The following TSPAN5 variants were observed in gnomAD, a reference collection of about 807,000 sequenced individuals.
TSPAN5 encodes the protein tetraspanin 5.
A neutral mutation model predicts 37.1 loss-of-function variants in TSPAN5; 10 were observed. That is an observed-to-expected ratio of 0.27 (90% CI 0.17 to 0.46). The LOEUF (loss-of-function observed/expected upper bound fraction) is 0.46, where lower values mean the gene tolerates loss of function less well. Ranked by LOEUF, TSPAN5 falls within the 20% of genes least tolerant of loss-of-function variation. The probability of loss-of-function intolerance (pLI) is 1.00; values close to 1 mark genes in which losing one functional copy is unlikely to be tolerated. For missense variants in TSPAN5, 195 were observed against 326.6 expected, an observed-to-expected ratio of 0.60 and a Z score of 3.11; for synonymous variants, 110 against 118.9, an observed-to-expected ratio of 0.93 and a Z score of 0.48.
At chr4:98,580,114 T>C (rs949891434) in intron 1 of TSPAN5, among the ~76,000 whole-genome samples, 2 of 152,216 alleles carry the variant, frequency 1.3e-5, no homozygotes, top group African/African-American at 4.8e-5. Flanking sequence ...ATAGATATGT[T>C]AGTTGAAACC....
intron 1 of TSPAN5, among the ~76,000 whole-genome samples, chr4:98,572,501 G>A (rs972686690): frequency 2.0e-5 from 3 of 152,216 alleles, no homozygotes; most frequent in Non-Finnish European, 4.4e-5. Flanking sequence ...TGAAGCTTAC[G>A]TTTGGGAAAG....
intron 2 of TSPAN5, among the ~76,000 whole-genome samples, chr4:98,496,194 C>T (rs1006036107): frequency 6.6e-6 from 1 of 152,180 alleles, no homozygotes; most frequent in African/African-American, 2.4e-5. Context: ...ACAGTATGCA[C>T]AGTAAGAACA....
chr4:98,492,818 T>C (rs902513595), intron 2 of TSPAN5, among the ~76,000 whole-genome samples: 8 of 152,336 alleles, frequency 5.3e-5, no homozygotes, highest in African/African-American at 1.4e-4. Context: ...TCTATGTTAC[T>C]GACAAATAAT....
intron 1 of TSPAN5, among the ~76,000 whole-genome samples, chr4:98,519,189 G>A (rs1753801526): frequency 6.6e-6 from 1 of 152,108 alleles, no homozygotes; most frequent in African/African-American, 2.4e-5. Context: ...AGGGTACAAG[G>A]TTAAAATTAT....
chr4:98,647,922 C>T (rs1020320417), intron 1 of TSPAN5, among the ~76,000 whole-genome samples: 1 of 150,094 alleles, frequency 6.7e-6, no homozygotes, highest in African/African-American at 2.5e-5. Flanking sequence ...AGAAATAATA[C>T]AGAGTTTTAT....
At chr4:98,496,006 G>C (rs1405097539) in intron 2 of TSPAN5, among the ~76,000 whole-genome samples, 1 of 152,160 alleles carries the variant, frequency 6.6e-6, no homozygotes, top group African/African-American at 2.4e-5. Flanking sequence ...AGATTTATGA[G>C]ACTAGCTCTT....
chr4:98,551,137 CAT>C (rs765505914), intron 1 of TSPAN5, among the ~76,000 whole-genome samples: 2 of 148,774 alleles, frequency 1.3e-5, no homozygotes, highest in South Asian at 2.1e-4. Flanking sequence ...TTGAGACGAT[CAT>C]ATGTTTTTGT....
intron 2 of TSPAN5, among the ~76,000 whole-genome samples, chr4:98,503,574 T>C (rs1357347763): frequency 1.3e-5 from 2 of 152,204 alleles, no homozygotes; most frequent in Non-Finnish European, 1.5e-5. Context: ...TTCGGTGGAA[T>C]GAAGGTCTTT....
intron 1 of TSPAN5, among the ~76,000 whole-genome samples, chr4:98,639,717 C>T (rs1560570524): frequency 6.6e-6 from 1 of 152,192 alleles, no homozygotes; most frequent in Non-Finnish European, 1.5e-5. Context: ...CCAGCTTTTG[C>T]TTCTTTCCTT....
chr4:98,555,037 T>G (rs1189981382), intron 1 of TSPAN5, among the ~76,000 whole-genome samples: 1 of 152,120 alleles, frequency 6.6e-6, no homozygotes, highest in Non-Finnish European at 1.5e-5. Flanking sequence ...CACCAGAAGT[T>G]TTCCTAAAGC....
intron 1 of TSPAN5, among the ~76,000 whole-genome samples, chr4:98,518,560 G>A (rs1412239824): frequency 2.0e-5 from 3 of 152,204 alleles, no homozygotes; most frequent in Non-Finnish European, 2.9e-5. Context: ...GTATTTTAAA[G>A]AGACGGCGAT....
At chr4:98,550,841 C>T (rs1754598997) in intron 1 of TSPAN5, among the ~76,000 whole-genome samples, 1 of 152,130 alleles carries the variant, frequency 6.6e-6, no homozygotes, top group South Asian at 2.1e-4. Flanking sequence ...AATTTGACTT[C>T]CTCCTTTCCA....
In TSPAN5 at chr4:98,565,205, T is replaced by C. The variant is rs537668019; in HGVS notation, c.82-57477A>G. ...TAGAGGGCATTTTTCCTTTTGACGG[T>C]TGGTGTTTTTCCCCCTTGTTCCTTG... is the stretch of plus-strand genomic sequence containing the variant. On this transcript the variant is annotated intron_variant, in intron 1 of 7. Coordinates refer to ENST00000305798, the MANE Select transcript of TSPAN5 (RefSeq NM_005723.4). Among the ~76,000 whole-genome samples, 71 of 152,344 alleles carry C rather than the reference T, an allele frequency of 4.7e-4. No individual in the cohort carries two copies. The East Asian group carries it at 0.013, about 28-fold the overall frequency.
intron 1 of TSPAN5, among the ~76,000 whole-genome samples, chr4:98,595,656 G>A (rs1307495226): frequency 1.5e-5 from 2 of 133,568 alleles, no homozygotes; most frequent in Admixed American, 7.5e-5. Flanking sequence ...CGTTGGTTTC[G>A]AAGAACATCT....
intron 1 of TSPAN5, among the ~76,000 whole-genome samples, chr4:98,545,533 G>C (rs1754450421): frequency 6.6e-6 from 1 of 151,838 alleles, no homozygotes; most frequent in East Asian, 1.9e-4. Flanking sequence ...CTACACATAA[G>C]ACTTTTTTTT....
chr4:98,618,347 T>G (rs2866015), intron 1 of TSPAN5, among the ~76,000 whole-genome samples: 81,373 of 151,940 alleles, frequency 0.54, 22,952 homozygotes, highest in African/African-American at 0.71. Flanking sequence ...CCTAAGGCAC[T>G]GTGAACTTAC....
intron 1 of TSPAN5, among the ~76,000 whole-genome samples, chr4:98,640,806 C>T (rs886107641): frequency 6.6e-6 from 1 of 152,190 alleles, no homozygotes; most frequent in Non-Finnish European, 1.5e-5. Flanking sequence ...TCCCAGGTGA[C>T]AGTGAACCAA....
chr4:98,488,323 G>C (rs530237445), intron 2 of TSPAN5, among the ~76,000 whole-genome samples: 21 of 152,296 alleles, frequency 1.4e-4, no homozygotes, highest in African/African-American at 5.1e-4. Flanking sequence ...GGAACATTTG[G>C]AGAAGCGTAT....
intron 1 of TSPAN5, among the ~76,000 whole-genome samples, chr4:98,609,262 G>A (rs985009123): frequency 1.7e-4 from 22 of 131,966 alleles, no homozygotes; most frequent in Middle Eastern, 3.7e-3. Context: ...TATTTAGGTC[G>A]GATTTGCTGG....
Sources: gnomAD v4.1 joint callset for allele counts (sites outside exome capture counted in the v4.1 genomes callset) on GRCh38, gnomAD v4.1.1 for gene constraint, MANE v1.5 for transcripts, NCBI Gene and HGNC (gene_info 2026-07-23, HGNC 2026-07-21) for gene names.